CFAP299: variants seen among roughly 807,000 people sequenced by gnomAD.
The protein encoded by CFAP299 is cilia and flagella associated protein 299, also known as cilia- and flagella-associated protein 299.
A neutral mutation model predicts 27.0 loss-of-function variants in CFAP299; 21 were observed. That is an observed-to-expected ratio of 0.78 (90% CI 0.55 to 1.12). The LOEUF (loss-of-function observed/expected upper bound fraction) is 1.12. Ranked by LOEUF, CFAP299 falls within the 50% of genes most tolerant of loss-of-function variation. The probability of loss-of-function intolerance (pLI) is 0.00; values close to 1 mark genes in which losing one functional copy is unlikely to be tolerated. For missense variants in CFAP299, 310 were observed against 276.6 expected (o/e 1.12, Z -0.86); for synonymous variants, 104 against 98.1 (o/e 1.06, Z -0.36).
At chr4:80,542,870 G>A (rs1245490391) in intron 2 of CFAP299, among the ~76,000 whole-genome samples, 1 of 151,860 alleles carries the variant, frequency 6.6e-6, no homozygotes, top group African/African-American at 2.4e-5. Flanking sequence ...TGCCCCTGAT[G>A]CCCCACCAGA....
At chr4:80,709,735 T>C (rs550206452) in intron 3 of CFAP299, among the ~76,000 whole-genome samples, 1 of 152,306 alleles carries the variant, frequency 6.6e-6, no homozygotes, top group South Asian at 2.1e-4. Flanking sequence ...TTGATTTCGC[T>C]GATGTTGCCT....
the CFAP299 span, among the ~76,000 whole-genome samples, chr4:80,326,125 A>C: frequency 6.6e-6 from 1 of 152,162 alleles, no homozygotes; most frequent in Non-Finnish European, 1.5e-5. Flanking sequence ...TTAATTCCAT[A>C]ATCTAGTTGT....
chr4:80,518,265 C>A (rs1051646218), intron 2 of CFAP299, among the ~76,000 whole-genome samples: 1 of 152,122 alleles, frequency 6.6e-6, no homozygotes, highest in South Asian at 2.1e-4. Context: ...TCAAGAGACT[C>A]GTAGATAAAC....
At chr4:80,422,545 A>G (rs1727337655) in intron 2 of CFAP299, among the ~76,000 whole-genome samples, 1 of 151,950 alleles carries the variant, frequency 6.6e-6, no homozygotes, top group Admixed American at 6.6e-5. Context: ...TCTTTTTTAC[A>G]TGGAATTACT....
chr4:80,659,341 GA>G (rs529733252), intron 3 of CFAP299, among the ~76,000 whole-genome samples: 5 of 147,606 alleles, frequency 3.4e-5, no homozygotes, highest in East Asian at 4.0e-4. Context: ...CAAAATCAAT[GA>G]AAAAAAAACA....
In CFAP299 at chr4:80,755,266, T is replaced by C. The variant is rs140869238; in HGVS notation, c.334-114727T>C. ...AAGACACATTAGGCTGCATGTAAAA[T>C]TGGCTCCTATAGAGTCAGTTCTAAC... On this transcript the variant is annotated intron_variant, in intron 3 of 5. Transcript: ENST00000358105. Among the ~76,000 whole-genome samples, 31 of 152,112 alleles carry C rather than the reference T, an allele frequency of 2.0e-4. No homozygotes were observed. In the East Asian group the frequency reaches 4.6e-3, roughly 23 times the overall value.
rs188434885 is a variant in CFAP299 at position 80,949,200 on chromosome 4, A to G, written c.606+4261A>G. Among the ~76,000 whole-genome samples, 331 of 152,326 alleles carry G rather than the reference A, an allele frequency of 2.2e-3. 1 individual carries two copies. Among genetic ancestry groups the G allele is most frequent in the African/African-American group, 7.7e-3 (319 of 41,596 alleles). On this transcript the variant is annotated intron_variant, in intron 5 of 5. Coordinates refer to ENST00000358105, the MANE Select transcript of CFAP299 (RefSeq NM_152770.3). ...AGTAGAAACCATCAATGAAGCTTAA[A>G]TATTATGAGTCACATGGGGAGGTGA...
intron 2 of CFAP299, among the ~76,000 whole-genome samples, chr4:80,521,699 G>C (rs751483645): frequency 6.6e-6 from 1 of 151,688 alleles, no homozygotes; most frequent in African/African-American, 2.4e-5. Flanking sequence ...TCAGAGAGTG[G>C]AATCATACAA....
intron 2 of CFAP299, among the ~76,000 whole-genome samples, chr4:80,474,126 G>C (rs1412624412): frequency 6.6e-6 from 1 of 152,044 alleles, no homozygotes; most frequent in Non-Finnish European, 1.5e-5. Flanking sequence ...ATGAGAATAA[G>C]AAAAATGTTT....
chr4:80,565,080 A>G (rs536400072), intron 2 of CFAP299, among the ~76,000 whole-genome samples: 88 of 152,152 alleles, frequency 5.8e-4, no homozygotes, highest in African/African-American at 2.0e-3. Context: ...GAACTTTATA[A>G]TATTGAACAC....
Position 80,871,715 on chromosome 4 carries a change from T to C in CFAP299, c.476+1580T>C, listed in dbSNP as rs115288557. 6.7e-3 allele frequency: 5,673 copies of C among 842,040 alleles called. 26 individuals carry two copies. Among genetic ancestry groups the C allele is most frequent in the South Asian group, 8.8e-3 (162 of 18,320 alleles). 52.2% of individuals were successfully genotyped at this position (842,040 alleles called of 1,614,324 possible). A position where few individuals can be genotyped will look rare whatever the true frequency, so the allele number is the denominator to read the frequency against. ...GTTTTGTTAAAGCAAATTTAAGATA[T>C]CTCATTTCACCTGCAAACACTTCAG... On this transcript the variant is annotated intron_variant, in intron 4 of 5. Transcript: ENST00000358105.
intron 2 of CFAP299, among the ~76,000 whole-genome samples, chr4:80,569,273 A>C (rs377609623): frequency 6.6e-6 from 1 of 152,154 alleles, no homozygotes. Flanking sequence ...AGGGAGGAAT[A>C]AAATCTCAGA....
intron 3 of CFAP299, among the ~76,000 whole-genome samples, chr4:80,821,197 C>T (rs748168694): frequency 2.0e-5 from 3 of 152,132 alleles, no homozygotes; most frequent in Admixed American, 6.5e-5. Flanking sequence ...CATGAGTAAT[C>T]CGACTAAATA....
At chr4:80,374,131 C>T (rs1035084229) in intron 2 of CFAP299, among the ~76,000 whole-genome samples, 7 of 152,010 alleles carry the variant, frequency 4.6e-5, no homozygotes, top group East Asian at 1.9e-4. Context: ...TTCTGGGGTC[C>T]GTACCAGAAT....
chr4:80,669,597 CTT>C (rs1302549551), intron 3 of CFAP299, among the ~76,000 whole-genome samples: 8 of 140,834 alleles, frequency 5.7e-5, no homozygotes, highest in African/African-American at 2.1e-4. Flanking sequence ...TTGGTAGAGT[CTT>C]TAGGTTTTTC....
chr4:80,560,183 C>G (rs1169012198), intron 2 of CFAP299, among the ~76,000 whole-genome samples: 2 of 151,998 alleles, frequency 1.3e-5, no homozygotes, highest in Admixed American at 6.6e-5. Context: ...ACCCCTGTTT[C>G]AGGTCCTAAC....
intron 2 of CFAP299, chr4:80,388,234 C>A (rs1560541830): frequency 1.4e-6 from 1 of 695,784 alleles, no homozygotes; most frequent in Non-Finnish European, 2.7e-6. Context: ...GGCTGCTCTG[C>A]ACAGGTCGCG....
At chr4:80,358,676 G>T (rs1304077132) in intron 1 of CFAP299, among the ~76,000 whole-genome samples, 1 of 151,922 alleles carries the variant, frequency 6.6e-6, no homozygotes, top group Admixed American at 6.6e-5. Flanking sequence ...CCATTTGCTG[G>T]TAGATTTTTC....
chr4:80,884,544 A>G (rs1733876252), intron 4 of CFAP299, among the ~76,000 whole-genome samples: 1 of 152,070 alleles, frequency 6.6e-6, no homozygotes, highest in African/African-American at 2.4e-5. Flanking sequence ...AAACACCTAC[A>G]TTCAGAAAAA....
Sources: allele counts gnomAD v4.1 joint callset (sites outside exome capture counted in the v4.1 genomes callset), GRCh38; gene constraint gnomAD v4.1.1; transcripts MANE v1.5; gene names NCBI Gene and HGNC (gene_info 2026-07-23, HGNC 2026-07-21).